Variants in IL1RAPL1 observed in about 807,000 individuals in gnomAD.
The protein encoded by IL1RAPL1 is interleukin-1 receptor accessory protein-like 1.
Under a neutral mutation model 48.4 loss-of-function variants are expected in IL1RAPL1, and 3 were observed. That is an observed-to-expected ratio of 0.06 (90% CI 0.03 to 0.16). IL1RAPL1 has a LOEUF of 0.16. IL1RAPL1 is among the 10% of genes least tolerant of loss of function. The probability of loss-of-function intolerance (pLI) is 1.00; values close to 1 mark genes in which losing one functional copy is unlikely to be tolerated. For synonymous variants in IL1RAPL1, 185 were observed against 187.7 expected (o/e 0.99, Z 0.12); for missense variants, 349 against 530.6 (o/e 0.66, Z 3.36).
intron 2 of IL1RAPL1, among the ~76,000 whole-genome samples, chrX:28,978,704 A>G (rs1014794307): frequency 2.8e-4 from 31 of 112,351 alleles, no homozygotes; most frequent in African/African-American, 9.0e-4. Context: ...AGAAGTTTCC[A>G]TAGCATGAGA....
At chrX:29,357,197 C>T (rs780148261) in intron 3 of IL1RAPL1, among the ~76,000 whole-genome samples, 16 of 111,952 alleles carry the variant, frequency 1.4e-4, no homozygotes, top group Non-Finnish European at 3.0e-4. Flanking sequence ...TTCTAATTTG[C>T]TCATAGCAAA....
At chrX:29,736,893 A>G (rs1030040384) in intron 6 of IL1RAPL1, among the ~76,000 whole-genome samples, 1 of 111,842 alleles carries the variant, frequency 8.9e-6, no homozygotes, top group Admixed American at 9.5e-5. Context: ...ATATGCACGT[A>G]TCTTAAAGAT....
chrX:29,804,884 A>T (rs1189462886), intron 6 of IL1RAPL1, among the ~76,000 whole-genome samples: 2 of 112,424 alleles, frequency 1.8e-5, no homozygotes, highest in Non-Finnish European at 3.8e-5. Context: ...GAACATGACC[A>T]AACTTCAGTA....
intron 5 of IL1RAPL1, among the ~76,000 whole-genome samples, chrX:29,410,740 G>A (rs755891923): frequency 8.1e-5 from 9 of 111,176 alleles, no homozygotes; most frequent in Non-Finnish European, 1.7e-4. Context: ...AAAATCTCTG[G>A]GTCTAATTTT....
intron 2 of IL1RAPL1, among the ~76,000 whole-genome samples, chrX:29,121,868 C>A (rs1928793055): frequency 8.9e-6 from 1 of 111,897 alleles, no homozygotes; most frequent in African/African-American, 3.2e-5. Flanking sequence ...TCAATTACTT[C>A]CAGTTAAAAA....
intron 2 of IL1RAPL1, among the ~76,000 whole-genome samples, chrX:29,204,812 T>C (rs921451097): frequency 8.9e-6 from 1 of 111,938 alleles, no homozygotes; most frequent in African/African-American, 3.2e-5. Context: ...ACTTTGTTGA[T>C]TGTTTCCTTC....
At chrX:29,907,210 CTTT>C (rs1168909942) in intron 6 of IL1RAPL1, among the ~76,000 whole-genome samples, 1 of 110,105 alleles carries the variant, frequency 9.1e-6, no homozygotes, top group East Asian at 2.8e-4. Context: ...ATTATTTTTC[CTTT>C]TTAATTGAAA....
intron 2 of IL1RAPL1, among the ~76,000 whole-genome samples, chrX:29,221,620 T>TACACACACACACACAC (rs35088625): frequency 2.0e-4 from 16 of 79,558 alleles, no homozygotes; most frequent in East Asian, 3.9e-4. Context: ...TACACACACA[T>TACACACACACACACAC]ACACACACAC....
At chrX:29,548,746 C>T (rs1346550280) in intron 5 of IL1RAPL1, among the ~76,000 whole-genome samples, 1 of 111,240 alleles carries the variant, frequency 9.0e-6, no homozygotes, top group Non-Finnish European at 1.9e-5. Context: ...AGCAAGTCAA[C>T]AAAATAAAAT....
At chrX:28,842,373 T>C (rs769292452) in intron 2 of IL1RAPL1, among the ~76,000 whole-genome samples, 4 of 111,287 alleles carry the variant, frequency 3.6e-5, no homozygotes, top group African/African-American at 1.3e-4. Context: ...AAAAATATAG[T>C]TCTGTGGAAA....
At chrX:29,711,077 C>CACACACACACACAT (rs1927338740) in intron 6 of IL1RAPL1, among the ~76,000 whole-genome samples, 1 of 98,142 alleles carries the variant, frequency 1.0e-5, no homozygotes, top group Non-Finnish European at 2.1e-5. Flanking sequence ...TATACACACA[C>CACACACACACACAT]ACACACACAC....
chrX:28,731,856 G>T (rs1324988365), intron 1 of IL1RAPL1, among the ~76,000 whole-genome samples: 4 of 111,944 alleles, frequency 3.6e-5, no homozygotes, highest in African/African-American at 1.3e-4. Context: ...GATGTCAAAG[G>T]AAATTGTTGA....
intron 2 of IL1RAPL1, among the ~76,000 whole-genome samples, chrX:29,155,745 CAG>C (rs1306233242): frequency 9.0e-6 from 1 of 111,358 alleles, no homozygotes; most frequent in Non-Finnish European, 1.9e-5. Flanking sequence ...TTCTTGCAAA[CAG>C]GGATTTTGTT....
At chrX:29,033,452 G>A (rs1021906323) in intron 2 of IL1RAPL1, among the ~76,000 whole-genome samples, 2 of 111,322 alleles carry the variant, frequency 1.8e-5, no homozygotes, top group Non-Finnish European at 3.8e-5. Context: ...ATGGAGAAAG[G>A]GAAATGGGGT....
chrX:29,126,169 C>T (rs1456078631), intron 2 of IL1RAPL1, among the ~76,000 whole-genome samples: 1 of 111,448 alleles, frequency 9.0e-6, no homozygotes, highest in Non-Finnish European at 1.9e-5. Flanking sequence ...CAAAAGCCAA[C>T]AGAATAATTT....
At chrX:29,941,354 A>C (rs1933124125) in intron 8 of IL1RAPL1, among the ~76,000 whole-genome samples, 1 of 112,324 alleles carries the variant, frequency 8.9e-6, no homozygotes, top group Non-Finnish European at 1.9e-5. Flanking sequence ...TATAGTTTCC[A>C]ATCAGATATT....
At chrX:29,219,867 G>A (rs1008774310) in intron 2 of IL1RAPL1, among the ~76,000 whole-genome samples, 1 of 110,525 alleles carries the variant, frequency 9.0e-6, no homozygotes, top group Non-Finnish European at 1.9e-5. Context: ...TCTACTTATA[G>A]TCACCTCTAG....
rs142956414 is a variant in IL1RAPL1 at position 29,131,721 on chromosome X, G to A, written c.83-151217G>A. On this transcript the variant is annotated intron_variant, in intron 2 of 10. Coordinates refer to ENST00000378993, the MANE Select transcript of IL1RAPL1 (RefSeq NM_014271.4). ...ATACAAAACCCTGATTCTTACTCCAGTGAGTCTGGCCAATTCTGATATGCA... is the reference window on the plus strand; with the variant it reads ...ATACAAAACCCTGATTCTTACTCCAATGAGTCTGGCCAATTCTGATATGCA... Among the ~76,000 whole-genome samples the A allele has an allele frequency of 6.3e-3, 698 of 111,657 alleles. 7 individuals carry two copies. The highest frequency in any genetic ancestry group is 0.021 in the African/African-American group (655 of 30,707).
At chrX:28,996,657 A>G (rs1053347170) in intron 2 of IL1RAPL1, among the ~76,000 whole-genome samples, 1 of 111,197 alleles carries the variant, frequency 9.0e-6, no homozygotes, top group Non-Finnish European at 1.9e-5. Flanking sequence ...TACACTGAAC[A>G]TAAAATGTAC....
Sources: gnomAD v4.1 joint callset for allele counts (sites outside exome capture counted in the v4.1 genomes callset) on GRCh38, gnomAD v4.1.1 for gene constraint, MANE v1.5 for transcripts, NCBI Gene and HGNC (gene_info 2026-07-23, HGNC 2026-07-21) for gene names.